CHD9: variants seen among roughly 807,000 people sequenced by gnomAD.
The protein encoded by CHD9 is ATP-dependent chromatin remodeler CHD9.
In CHD9, 77 loss-of-function variants were observed where a neutral mutation model predicts 316.1. That is an observed-to-expected ratio of 0.24 (90% CI 0.20 to 0.29). The LOEUF (loss-of-function observed/expected upper bound fraction) is 0.29. Ranked by LOEUF, CHD9 falls within the 10% of genes least tolerant of loss-of-function variation. The probability of loss-of-function intolerance (pLI) is 1.00; values close to 1 mark genes in which losing one functional copy is unlikely to be tolerated. For missense variants in CHD9, 2,763 were observed against 3,438.1 expected (o/e 0.80, Z 4.91); for synonymous variants, 1,129 against 1,158.3 (o/e 0.97, Z 0.51).
Position 53,157,277 on chromosome 16 carries a change from TC to T in CHD9, c.1189del (p.Gln397LysfsTer36). 6.2e-7 allele frequency: 1 copy of T among 1,608,194 alleles called. No individual in the cohort carries two copies. Among genetic ancestry groups the T allele is most frequent in the Non-Finnish European group, 8.5e-7 (1 of 1,176,840 alleles). On this transcript the variant is annotated frameshift_variant, in exon 2 of 39. Coordinates refer to ENST00000447540, the MANE Select transcript of CHD9 (RefSeq NM_001308319.2). LOFTEE classifies it high-confidence loss of function. ...AGAATTTACTTCATCAAGTGGAATC[TC>T]AAACTGAGCCATTCACAGGACTTGA... ...EENLLHQVES[Q>X]TEPFTGLDPE...
intron 12 of CHD9, among the ~76,000 whole-genome samples, chr16:53,240,134 C>T (rs1213732641): frequency 6.6e-6 from 1 of 152,000 alleles, no homozygotes; most frequent in East Asian, 1.9e-4. Context: ...AGGCTGGTCT[C>T]GAACTCATGT....
Position 53,156,975 on chromosome 16 carries a change from A to G in CHD9, c.886A>G (p.Asn296Asp). 1 of 1,612,618 alleles carries G rather than the reference A, an allele frequency of 6.2e-7. No individual in the cohort carries two copies. Among genetic ancestry groups the G allele is most frequent in the Admixed American group, 1.7e-5 (1 of 60,010 alleles). ...TCAGTCCTCTGCAGTTCTTGCATCT[A>G]ATCATACAAATCAGACTTTATCTGA... ...LLQSSAVLAS[N>D]HTNQTLSDFT... Residue 296 changes from asparagine to aspartate, a missense_variant, in exon 2 of 39, where the codon AAT (asparagine) becomes GAT (aspartate). This residue lies in a region of CHD9 where 859 missense variants were observed against 890.4 expected (regional missense o/e 0.96). Coordinates refer to ENST00000447540, the MANE Select transcript of CHD9 (RefSeq NM_001308319.2).
Position 53,324,344 on chromosome 16 carries a change from C to T in CHD9, c.8143C>T (p.Leu2715=). The T allele has an allele frequency of 6.2e-7, 1 of 1,614,006 alleles. No individual in the cohort carries two copies. The highest frequency in any genetic ancestry group is 2.2e-5 in the East Asian group (1 of 44,882). The change falls in exon 39 of 39, where the codon CTG becomes TTG. Residue 2715 remains leucine, a synonymous_variant. Transcript: ENST00000447540. ...CATGGCTGCTATGTTCCCCATGCTGCTGTCAGGAATGGCTGGATTACCAAA... is the reference window on the plus strand; with the variant it reads ...CATGGCTGCTATGTTCCCCATGCTGTTGTCAGGAATGGCTGGATTACCAAA... ...KNMAAMFPML[L]SGMAGLPNLL... is the part of the protein sequence containing the mutation.
At position 53,292,997 on chromosome 16, in the gene CHD9, T is replaced by C. The variant is rs374640825; in HGVS notation, c.5455T>C (p.Tyr1819His). The C allele has an allele frequency of 2.2e-5, 36 of 1,613,646 alleles. No individual in the cohort carries two copies. The Middle Eastern group carries it at 4.9e-4, about 22-fold the overall frequency. Residue 1819 changes from tyrosine to histidine, a missense_variant, in exon 29 of 39, where the codon TAT becomes CAT. Transcript: ENST00000447540. ...SVPTSVMQPI[Y>H]EEATLNPKMA... ...GCCTACCAGTGTAATGCAGCCTATT[T>C]ATGAGGAAGCCACTCTTAATCCTAA... is the stretch of plus-strand genomic sequence containing the variant.
At chr16:53,141,490 G>A (rs541917476) in intron 1 of CHD9, among the ~76,000 whole-genome samples, 1 of 152,278 alleles carries the variant, frequency 6.6e-6, no homozygotes, top group East Asian at 1.9e-4. Flanking sequence ...TTTTTTAAGT[G>A]TACAGTTCAG....
At chr16:53,158,916 C>T (rs1245860096) in intron 2 of CHD9, among the ~76,000 whole-genome samples, 1 of 152,076 alleles carries the variant, frequency 6.6e-6, no homozygotes, top group African/African-American at 2.4e-5. Flanking sequence ...GGATTATAGA[C>T]GTGAGACACT....
intron 1 of CHD9, chr16:53,131,359 G>T (rs2039288437): frequency 6.6e-6 from 1 of 150,872 alleles, no homozygotes; most frequent in South Asian, 1.9e-4. Flanking sequence ...GGGGAGGGGG[G>T]AGGGGCAGGC....
chr16:53,303,838 G>A lies in CHD9; in HGVS notation c.5832G>A (p.Leu1944=). 8 of 1,613,996 alleles carry A rather than the reference G, an allele frequency of 5.0e-6. No homozygotes were observed. The African/African-American group carries it at 8.0e-5, about 16-fold the overall frequency. ...VREQALRHPQ[L]FERLKLCHPN... ...AACAGGCCCTTCGACATCCACAGTT[G>A]TTTGAACGCTTGAAGCTTTGCCATC... Residue 1944 remains leucine, a synonymous_variant, in exon 31 of 39, where the codon TTG becomes TTA. Transcript: ENST00000447540.
At chr16:53,210,854 A>G (rs1262671575) in intron 3 of CHD9, among the ~76,000 whole-genome samples, 1 of 152,132 alleles carries the variant, frequency 6.6e-6, no homozygotes, top group African/African-American at 2.4e-5. Context: ...GGTCCAAACG[A>G]TTAAATAATA....
intron 22 of CHD9, among the ~76,000 whole-genome samples, chr16:53,272,654 A>G (rs1296719581): frequency 6.6e-6 from 1 of 152,212 alleles, no homozygotes; most frequent in Non-Finnish European, 1.5e-5. Flanking sequence ...TAAATTTTTT[A>G]AAAGTTCAGA....
chr16:53,201,980 T>TC (rs933146326), intron 2 of CHD9, among the ~76,000 whole-genome samples: 4 of 151,866 alleles, frequency 2.6e-5, no homozygotes, highest in Non-Finnish European at 5.9e-5. Flanking sequence ...CACCTCAGCC[T>TC]CCCAAGCAAC....
chr16:53,207,733 T>A (rs1392988785), intron 2 of CHD9, among the ~76,000 whole-genome samples: 2 of 152,202 alleles, frequency 1.3e-5, no homozygotes, highest in African/African-American at 4.8e-5. Context: ...TTTGTTTTTT[T>A]AAAATATTGA....
At chr16:53,220,225 T>C (rs1345191738) in intron 3 of CHD9, among the ~76,000 whole-genome samples, 1 of 152,230 alleles carries the variant, frequency 6.6e-6, no homozygotes, top group Non-Finnish European at 1.5e-5. Context: ...CTGTATTTCT[T>C]ACTGTTATTT....
rs1791619238 is a variant in CHD9, at chr16:53,156,574, T to C, written c.485T>C (p.Phe162Ser). Residue 162 changes from phenylalanine to serine, a missense_variant, in exon 2 of 39, where the codon TTT becomes TCT. Physicochemically the swap from Phe to Ser is radical, Grantham distance 155. Coordinates refer to ENST00000447540, the MANE Select transcript of CHD9 (RefSeq NM_001308319.2). ...AAAAGCTTTGTGGCACACCATGACT[T>C]TGCCTTATTTCAGGCCAATGAACAA... ...QNKSFVAHHD[F>S]ALFQANEQQT... is the part of the protein sequence containing the mutation. 6.2e-7 allele frequency: 1 copy of C among 1,613,994 alleles called. No individual in the cohort carries two copies. Among genetic ancestry groups the C allele is most frequent in the Non-Finnish European group, 8.5e-7 (1 of 1,179,894 alleles).
intron 28 of CHD9, among the ~76,000 whole-genome samples, chr16:53,292,526 T>C (rs554990938): frequency 6.6e-6 from 1 of 152,240 alleles, no homozygotes; most frequent in Non-Finnish European, 1.5e-5. Flanking sequence ...GGATTCAGTT[T>C]GGCTTTTAGT....
chr16:53,145,237 C>T (rs563751906), intron 1 of CHD9, among the ~76,000 whole-genome samples: 6 of 150,798 alleles, frequency 4.0e-5, no homozygotes, highest in African/African-American at 7.3e-5. Context: ...CTGCAACCTC[C>T]GCCTCCCGGG....
At chr16:53,088,445 T>C (rs1465602994) in intron 1 of CHD9, among the ~76,000 whole-genome samples, 1 of 151,758 alleles carries the variant, frequency 6.6e-6, no homozygotes, top group Non-Finnish European at 1.5e-5. Context: ...GCCTGGCTAA[T>C]TTTTTTGTGT....
chr16:53,110,640 G>A (rs2037792815), intron 1 of CHD9, among the ~76,000 whole-genome samples: 1 of 152,146 alleles, frequency 6.6e-6, no homozygotes, highest in Admixed American at 6.6e-5. Context: ...GTGTGCACCT[G>A]TAGTTCCAGC....
chr16:53,311,720 T>C (rs984800523), intron 34 of CHD9: 2 of 152,230 alleles, frequency 1.3e-5, no homozygotes, highest in African/African-American at 4.8e-5. Context: ...CTACCTGGAA[T>C]AGTGAATAGA....
Sources: allele counts gnomAD v4.1 joint callset (sites outside exome capture counted in the v4.1 genomes callset), GRCh38; gene constraint gnomAD v4.1.1; regional missense constraint gnomAD v4.1.1; transcripts MANE v1.5; gene names NCBI Gene and HGNC (gene_info 2026-07-23, HGNC 2026-07-21).